The following KIRREL3 variants were observed in gnomAD, a reference collection of about 807,000 sequenced individuals.
KIRREL3 encodes kirre like nephrin family adhesion molecule 3, also known as kin of IRRE-like protein 3.
KIRREL3 carries 36 observed loss-of-function variants against 89.7 expected under a neutral mutation model. The observed-to-expected ratio is 0.40, with a 90% confidence interval of 0.31 to 0.53. The LOEUF (loss-of-function observed/expected upper bound fraction) is 0.53. Among genes scored for constraint, KIRREL3 ranks in the 20% least tolerant of loss-of-function variants. KIRREL3 has a pLI of 0.49. For synonymous variants in KIRREL3, 445 were observed against 441.4 expected (o/e 1.01, Z -0.10); for missense variants, 864 against 1,056.6 (o/e 0.82, Z 2.53).
At chr11:126,502,804 T>C (rs1000769927) in intron 4 of KIRREL3, among the ~76,000 whole-genome samples, 1 of 152,220 alleles carries the variant, frequency 6.6e-6, no homozygotes, top group Non-Finnish European at 1.5e-5. Flanking sequence ...ATTTCATTGG[T>C]GTAGAAACTA....
rs973913473 is a variant in KIRREL3, at chr11:126,641,291, C to T, written c.56-78379G>A. On this transcript the variant is annotated intron_variant, in intron 1 of 16. Coordinates refer to ENST00000525144, the MANE Select transcript of KIRREL3 (RefSeq NM_032531.4). The surrounding 1 kb of genome is among the most constrained non-coding windows in gnomAD (Gnocchi z 5.0). ...CCTCTGCTACTTTCTTGGCCCGAGC[C>T]TCATCACTTGTTGCTCAGATGGTTG... 6.6e-5 allele frequency among the ~76,000 whole-genome samples: 10 copies of T among 152,050 alleles called. No homozygotes were observed. The highest frequency in any genetic ancestry group is 2.4e-4 in the African/African-American group (10 of 41,386).
chr11:126,691,657 C>T lies in KIRREL3; in HGVS notation c.56-128745G>A, dbSNP rs77234458. On this transcript the variant is annotated intron_variant, in intron 1 of 16. Coordinates refer to ENST00000525144, the MANE Select transcript of KIRREL3 (RefSeq NM_032531.4). ...TTGTTTGAAAAAAGGGAAAGCAAGT[C>T]AATGATGAACATAAGATTCGAGAAA... Among the ~76,000 whole-genome samples the T allele has an allele frequency of 9.6e-3, 1,457 of 152,090 alleles. 26 individuals carry two copies. The highest frequency in any genetic ancestry group is 0.034 in the African/African-American group (1,392 of 41,476).
rs1464898545 is a variant in KIRREL3, at chr11:126,791,008, G to T, written c.55+209447C>A. On this transcript the variant is annotated intron_variant, in intron 1 of 16. Transcript: ENST00000525144. This position sits in a 1 kb window ranked among gnomAD's most constrained non-coding sequence, Gnocchi z 4.8. ...ACTGAGCAAACTGGGTGGTGTGGAG[G>T]ATTTGTCGATGAGAATGCAAATGAG... Among the ~76,000 whole-genome samples the T allele has an allele frequency of 6.6e-6, 1 of 152,190 alleles. No individual in the cohort carries two copies. The highest frequency in any genetic ancestry group is 1.5e-5 in the Non-Finnish European group (1 of 68,034).
At chr11:126,654,477 T>C (rs1945043051) in intron 1 of KIRREL3, among the ~76,000 whole-genome samples, 1 of 152,120 alleles carries the variant, frequency 6.6e-6, no homozygotes, top group Non-Finnish European at 1.5e-5. Context: ...TTGGCCTTTC[T>C]GGGAAGACCT....
In KIRREL3 at chr11:126,739,686, C is replaced by T. The variant is rs1458119534; in HGVS notation, c.56-176774G>A. On this transcript the variant is annotated intron_variant, in intron 1 of 16. Coordinates refer to ENST00000525144, the MANE Select transcript of KIRREL3 (RefSeq NM_032531.4). This position sits in a 1 kb window ranked among gnomAD's most constrained non-coding sequence, Gnocchi z 5.5. ...GGTATGTGTGGAGGTACTATGCAGG[C>T]AAACCAGCCCACAAGGGATGCTCTG... Among the ~76,000 whole-genome samples, 1 of 152,154 alleles carries T rather than the reference C, an allele frequency of 6.6e-6. No individual in the cohort carries two copies. Among genetic ancestry groups the T allele is most frequent in the Non-Finnish European group, 1.5e-5 (1 of 68,040 alleles).
At chr11:126,858,652 G>A (rs1302563775) in intron 1 of KIRREL3, among the ~76,000 whole-genome samples, 1 of 152,220 alleles carries the variant, frequency 6.6e-6, no homozygotes, top group Admixed American at 6.5e-5. Context: ...TGTGATGTGT[G>A]TGTGTGTGTG....
rs1251510001 is a variant in KIRREL3, at chr11:126,655,715, T to G, written c.56-92803A>C. Among the ~76,000 whole-genome samples, 1 of 151,938 alleles carries G rather than the reference T, an allele frequency of 6.6e-6. No individual in the cohort carries two copies. The highest frequency in any genetic ancestry group is 1.9e-4 in the East Asian group (1 of 5,158). ...CTCAAGCATTTCAGGGGGCTGCAGATTTAGGGGGACAGTCCTGGTGGCTTG... is the reference window on the plus strand; with the variant it reads ...CTCAAGCATTTCAGGGGGCTGCAGAGTTAGGGGGACAGTCCTGGTGGCTTG... On this transcript the variant is annotated intron_variant, in intron 1 of 16. Transcript: ENST00000525144. The surrounding 1 kb of genome is among the most constrained non-coding windows in gnomAD (Gnocchi z 5.0).
At chr11:126,733,770 T>C (rs1459340669) in intron 1 of KIRREL3, among the ~76,000 whole-genome samples, 2 of 152,320 alleles carry the variant, frequency 1.3e-5, no homozygotes, top group African/African-American at 4.8e-5. Context: ...ATATGTGTGA[T>C]TTGAACGGGT....
chr11:126,958,789 C>G (rs973902717), intron 1 of KIRREL3, among the ~76,000 whole-genome samples: 1 of 152,176 alleles, frequency 6.6e-6, no homozygotes, highest in Admixed American at 6.5e-5. Flanking sequence ...CTTTTTAATA[C>G]TTTCTTAGTC....
chr11:126,475,399 T>A lies in KIRREL3; in HGVS notation c.434-1933A>T, dbSNP rs560611982. Reference sequence around the variant, plus strand: ...GACAGGAAGCCCCAGTGGGGGCCGGTAAGAAGCCAAGAAGCAAACCTTCAG... The same window carrying A: ...GACAGGAAGCCCCAGTGGGGGCCGGAAAGAAGCCAAGAAGCAAACCTTCAG... On this transcript the variant is annotated intron_variant, in intron 4 of 16. Transcript: ENST00000525144. This position sits in a 1 kb window ranked among gnomAD's most constrained non-coding sequence, Gnocchi z 7.5. Among the ~76,000 whole-genome samples, 8 of 152,204 alleles carry A rather than the reference T, an allele frequency of 5.3e-5. No homozygotes were observed. In the East Asian group the frequency reaches 1.5e-3, roughly 29 times the overall value.
chr11:126,426,838 C>G (rs75476415), intron 15 of KIRREL3, among the ~76,000 whole-genome samples: 2,949 of 152,314 alleles, frequency 0.019, 101 homozygotes, highest in African/African-American at 0.067. Flanking sequence ...GGAGACCATG[C>G]GGTTCATTTT....
intron 1 of KIRREL3, among the ~76,000 whole-genome samples, chr11:126,599,822 C>A: frequency 6.6e-6 from 1 of 152,192 alleles, no homozygotes; most frequent in East Asian, 1.9e-4. Context: ...CCTGACTTGA[C>A]CCCAGCTGGT....
Position 126,529,214 on chromosome 11 carries a change from C to T in KIRREL3, c.134-2527G>A, listed in dbSNP as rs559912861. ...GGGGAAGTGGGGTGCAAGAAGCATC[C>T]GAGGGCCAAGGGTAAGTTGTGGACC... On this transcript the variant is annotated intron_variant, in intron 2 of 16. Coordinates refer to ENST00000525144, the MANE Select transcript of KIRREL3 (RefSeq NM_032531.4). Among the ~76,000 whole-genome samples, 10 of 152,078 alleles carry T rather than the reference C, an allele frequency of 6.6e-5. No homozygotes were observed. The South Asian group carries it at 1.0e-3, about 16-fold the overall frequency.
At position 126,610,687 on chromosome 11, in the gene KIRREL3, G is replaced by T. The variant is rs1050189358; in HGVS notation, c.56-47775C>A. The T allele has an allele frequency of 2.0e-5, 3 of 152,240 alleles. No individual in the cohort carries two copies. The highest frequency in any genetic ancestry group is 4.4e-5 in the Non-Finnish European group (3 of 68,066). The allele number at this position is 152,240 out of a possible 1,614,324, so 9.4% of individuals were successfully genotyped here. ...TGCCAGGACTACAGACAGGGCAACGGAGAGCAGGGGCTTGCTGGAGAAATC... is the reference window on the plus strand; with the variant it reads ...TGCCAGGACTACAGACAGGGCAACGTAGAGCAGGGGCTTGCTGGAGAAATC... On this transcript the variant is annotated intron_variant, in intron 1 of 16. Transcript: ENST00000525144. This position sits in a 1 kb window ranked among gnomAD's most constrained non-coding sequence, Gnocchi z 4.6.
rs1940509802 is a variant in KIRREL3, at chr11:126,566,216, A to T, written c.56-3304T>A. Among the ~76,000 whole-genome samples, 1 of 152,214 alleles carries T rather than the reference A, an allele frequency of 6.6e-6. No homozygotes were observed. The highest frequency in any genetic ancestry group is 2.1e-4 in the South Asian group (1 of 4,830). ...CAAGGAAGTCCAGGGTCACCTGCAG[A>T]TGGGGCAGTGGAGGGCACTGTCCCA... On this transcript the variant is annotated intron_variant, in intron 1 of 16. Transcript: ENST00000525144. The surrounding 1 kb of genome is among the most constrained non-coding windows in gnomAD (Gnocchi z 4.9).
chr11:126,650,447 T>C (rs924934639), intron 1 of KIRREL3, among the ~76,000 whole-genome samples: 15 of 152,168 alleles, frequency 9.9e-5, no homozygotes, highest in African/African-American at 2.4e-5. Context: ...TAGAATGCTT[T>C]GCTCCTTAGA....
At position 126,637,124 on chromosome 11, in the gene KIRREL3, T is replaced by A. The variant is rs192437547; in HGVS notation, c.56-74212A>T. On this transcript the variant is annotated intron_variant, in intron 1 of 16. Transcript: ENST00000525144. The stretch of plus-strand genomic sequence containing the variant: ...CCTCCCTACTCCCCTACTCTGTTAC[T>A]GCCTTTGCCTCATCATACTCTGGAA... Among the ~76,000 whole-genome samples, 241 of 152,310 alleles carry A rather than the reference T, an allele frequency of 1.6e-3. 1 individual carries two copies. Among genetic ancestry groups the A allele is most frequent in the Non-Finnish European group, 2.4e-3 (166 of 68,030 alleles).
chr11:126,473,239 C>CCCCCA, intron 5 of KIRREL3, 70 bp downstream of exon 5: 1 of 935,774 alleles, frequency 1.1e-6, no homozygotes, highest in Admixed American at 3.2e-5. Context: ...ACTCCCTGTC[C>CCCCCA]ACCTAGCCCC....
In KIRREL3 at chr11:126,685,160, G is replaced by C. The variant is rs1490668511; in HGVS notation, c.56-122248C>G. ...CAAGGGGACCTCGAAGAAGCCCAGT[G>C]TGACAAGGATTGAGAGGTGTGCTCA... On this transcript the variant is annotated intron_variant, in intron 1 of 16. Transcript: ENST00000525144. The surrounding 1 kb of genome is among the most constrained non-coding windows in gnomAD (Gnocchi z 5.5). Among the ~76,000 whole-genome samples the C allele has an allele frequency of 1.3e-5, 2 of 152,244 alleles. No homozygotes were observed. Among genetic ancestry groups the C allele is most frequent in the Non-Finnish European group, 2.9e-5 (2 of 68,050 alleles).
Sources: gnomAD v4.1 joint callset for allele counts (sites outside exome capture counted in the v4.1 genomes callset) on GRCh38, gnomAD v4.1.1 for gene constraint, Gnocchi (gnomAD v3.1) non-coding constraint, MANE v1.5 for transcripts, NCBI Gene and HGNC (gene_info 2026-07-23, HGNC 2026-07-21) for gene names.